RGS6: variants seen among roughly 807,000 people sequenced by gnomAD.
The protein encoded by RGS6 is regulator of G protein signaling 6, also known as regulator of G-protein signaling 6.
Under a neutral mutation model 78.5 loss-of-function variants are expected in RGS6, and 30 were observed. That is an observed-to-expected ratio of 0.38 (90% confidence interval 0.29 to 0.52). The LOEUF (loss-of-function observed/expected upper bound fraction) is 0.52. Ranked by LOEUF, RGS6 falls within the 20% of genes least tolerant of loss-of-function variation. RGS6 has a pLI of 0.85. For missense variants in RGS6, 495 were observed against 609.7 expected, an observed-to-expected ratio of 0.81 and a Z score of 1.98; for synonymous variants, 206 against 206.0, an observed-to-expected ratio of 1.00 and a Z score of 0.00.
chr14:72,274,702 A>T (rs938902277), intron 2 of RGS6, among the ~76,000 whole-genome samples: 1 of 152,186 alleles, frequency 6.6e-6, no homozygotes, highest in Non-Finnish European at 1.5e-5. Context: ...AGAAGTTGTA[A>T]TGATAGAGGC....
chr14:72,477,782 A>G (rs2096274476), intron 11 of RGS6, among the ~76,000 whole-genome samples: 1 of 149,512 alleles, frequency 6.7e-6, no homozygotes, highest in African/African-American at 2.5e-5. Flanking sequence ...AGGCAACAGA[A>G]TGAGACTCTG....
intron 2 of RGS6, among the ~76,000 whole-genome samples, chr14:72,303,628 A>G (rs765938046): frequency 5.2e-4 from 79 of 152,226 alleles, no homozygotes; most frequent in Non-Finnish European, 9.8e-4. Flanking sequence ...ATTCATGGTT[A>G]TATGTACATG....
chr14:72,042,598 CTA>C (rs2092517202), intron 2 of RGS6, among the ~76,000 whole-genome samples: 1 of 152,066 alleles, frequency 6.6e-6, no homozygotes, highest in African/African-American at 2.4e-5. Flanking sequence ...TAAATGTTCT[CTA>C]TACACAGATC....
chr14:71,869,741 T>A, the RGS6 span, among the ~76,000 whole-genome samples: 1 of 152,236 alleles, frequency 6.6e-6, no homozygotes, highest in Non-Finnish European at 1.5e-5. Context: ...TTTGAATATT[T>A]GTCCCCTCAA....
intron 3 of RGS6, among the ~76,000 whole-genome samples, chr14:72,379,023 T>G (rs573503214): frequency 2.0e-5 from 3 of 152,194 alleles, no homozygotes; most frequent in Non-Finnish European, 4.4e-5. Flanking sequence ...CAAGGATGAT[T>G]CAACATATGC....
At chr14:72,593,011 G>A in the RGS6 span, among the ~76,000 whole-genome samples, 6 of 152,198 alleles carry the variant, frequency 3.9e-5, no homozygotes, top group African/African-American at 7.2e-5. Flanking sequence ...GGGCCACTTC[G>A]AGGGGTGAGC....
intron 3 of RGS6, among the ~76,000 whole-genome samples, chr14:72,449,911 C>A (rs1310624019): frequency 6.6e-6 from 1 of 152,188 alleles, no homozygotes; most frequent in African/African-American, 2.4e-5. Flanking sequence ...TTGAGGATAG[C>A]CAGAGGCCGT....
At chr14:72,594,559 C>T in the RGS6 span, among the ~76,000 whole-genome samples, 1 of 152,188 alleles carries the variant, frequency 6.6e-6, no homozygotes, top group African/African-American at 2.4e-5. Context: ...ACCACTCATA[C>T]TCTGACTGTG....
chr14:72,475,468 C>T (rs2096215671), intron 10 of RGS6, among the ~76,000 whole-genome samples: 1 of 152,104 alleles, frequency 6.6e-6, no homozygotes, highest in African/African-American at 2.4e-5. Flanking sequence ...CGGTGGCTCA[C>T]ACTTGTAATC....
chr14:71,937,683 T>C (rs2089718140), intron 1 of RGS6, among the ~76,000 whole-genome samples: 1 of 152,200 alleles, frequency 6.6e-6, no homozygotes, highest in Non-Finnish European at 1.5e-5. Context: ...GAGACAATGC[T>C]GCATGGAATA....
At chr14:72,449,586 A>G (rs1200243962) in intron 3 of RGS6, among the ~76,000 whole-genome samples, 1 of 152,184 alleles carries the variant, frequency 6.6e-6, no homozygotes. Flanking sequence ...CTTACAGCTT[A>G]CTCAACAGCG....
chr14:72,602,463 T>C, the RGS6 span, among the ~76,000 whole-genome samples: 4 of 152,280 alleles, frequency 2.6e-5, no homozygotes, highest in South Asian at 6.2e-4. Context: ...ATGGAGGTTA[T>C]GTAGCATGGC....
intron 3 of RGS6, among the ~76,000 whole-genome samples, chr14:72,434,311 T>G (rs1311972885): frequency 6.6e-6 from 1 of 152,224 alleles, no homozygotes; most frequent in Non-Finnish European, 1.5e-5. Context: ...CACTACAGCC[T>G]GGGTGACAGA....
At chr14:72,459,610 T>C (rs1173163006) in intron 5 of RGS6, 22 bp from the exon 6 acceptor site, 1 of 1,613,814 alleles carries the variant, frequency 6.2e-7, no homozygotes, top group South Asian at 1.1e-5. Flanking sequence ...CCCTGAGCAC[T>C]AACACCCATG....
intron 2 of RGS6, among the ~76,000 whole-genome samples, chr14:72,270,665 G>T (rs2059800130): frequency 6.6e-6 from 1 of 152,256 alleles, no homozygotes; most frequent in Non-Finnish European, 1.5e-5. Context: ...TTCCAGTGCT[G>T]CCTGTCAACC....
chr14:72,006,711 A>G (rs1294435595), intron 2 of RGS6, among the ~76,000 whole-genome samples: 4 of 152,218 alleles, frequency 2.6e-5, no homozygotes, highest in Admixed American at 6.5e-5. Context: ...AAATACGTGA[A>G]ACAATAAATT....
chr14:72,340,102 A>G (rs2076718675), intron 2 of RGS6, among the ~76,000 whole-genome samples: 1 of 152,134 alleles, frequency 6.6e-6, no homozygotes. Flanking sequence ...TATAATTTAT[A>G]TTTGGAATGA....
At chr14:72,391,812 T>A (rs988061209) in intron 3 of RGS6, among the ~76,000 whole-genome samples, 16 of 152,186 alleles carry the variant, frequency 1.1e-4, no homozygotes, top group African/African-American at 3.6e-4. Flanking sequence ...TCTGTTCTCA[T>A]TGTTCAACTC....
chr14:72,375,707 C>G (rs545277505), intron 3 of RGS6, among the ~76,000 whole-genome samples: 22 of 152,158 alleles, frequency 1.4e-4, no homozygotes, highest in Non-Finnish European at 3.2e-4. Context: ...GCACCGCTAC[C>G]AGCACAAACT....
Sources: allele counts gnomAD v4.1 joint callset (sites outside exome capture counted in the v4.1 genomes callset), GRCh38; gene constraint gnomAD v4.1.1; transcripts MANE v1.5; gene names NCBI Gene and HGNC (gene_info 2026-07-23, HGNC 2026-07-21).